The following ELOA variants were observed in gnomAD, a reference collection of about 807,000 sequenced individuals.
ELOA encodes the protein elongin A.
ELOA carries 15 observed loss-of-function variants against 85.2 expected under a neutral mutation model. The ratio of observed to expected loss-of-function variants is 0.18; its 90% confidence interval spans 0.12 to 0.27. The LOEUF (loss-of-function observed/expected upper bound fraction) is 0.27. Among genes scored for constraint, ELOA ranks in the 10% least tolerant of loss-of-function variants. ELOA has a pLI of 1.00. For synonymous variants in ELOA, 348 were observed against 357.2 expected, an observed-to-expected ratio of 0.97 and a Z score of 0.29; for missense variants, 769 against 952.7, an observed-to-expected ratio of 0.81 and a Z score of 2.54.
chr1:23,758,241 C>G (rs1570594943), intron 10 of ELOA, among the ~76,000 whole-genome samples: 1 of 87,226 alleles, frequency 1.1e-5, no homozygotes, highest in Non-Finnish European at 2.5e-5. Flanking sequence ...CTAATTGGGT[C>G]TTCCAATTTA....
Position 23,755,904 on chromosome 1 carries a change from A to G in ELOA, c.1853A>G (p.Glu618Gly), listed in dbSNP as rs1433731608. 6.2e-7 allele frequency: 1 copy of G among 1,613,886 alleles called. No individual in the cohort carries two copies. Among genetic ancestry groups the G allele is most frequent in the Admixed American group, 1.7e-5 (1 of 59,926 alleles). ...CATTGTCACCGAGACTTTAAGGAAG[A>G]AAGACCCGAAGAGTATGAGTCGTGG... Reference protein sequence around the residue: ...KVHCHRDFKEERPEEYESWRE... With the variant: ...KVHCHRDFKEGRPEEYESWRE... The change falls in exon 8 of 11, where the codon GAA becomes GGA. Residue 618 changes from glutamate (E) to glycine (G), a missense_variant. By Grantham distance (98) the Glu-to-Gly change is moderately conservative (BLOSUM62 -2). Coordinates refer to ENST00000613537, the MANE Select transcript of ELOA (RefSeq NM_003198.3).
At chr1:23,756,223 CAGT>C (rs1644794239) in intron 8 of ELOA, 48 bp from the exon 9 acceptor site, 4 of 1,501,838 alleles carry the variant, frequency 2.7e-6, no homozygotes, top group Non-Finnish European at 1.8e-6. Flanking sequence ...ATTTAAATAA[CAGT>C]AGCATCTCTG....
rs115868923 is a variant in ELOA, at chr1:23,749,188, A to G, written c.132+111A>G. The G allele has an allele frequency of 2.9e-3, 2,633 of 901,536 alleles. 39 individuals are homozygous for G. In the African/African-American group the frequency reaches 0.037, roughly 13 times the overall value. The allele number at this position is 901,536 out of a possible 1,614,324, so 55.8% of individuals were successfully genotyped here. On this transcript the variant is annotated intron_variant, in intron 2 of 10. Transcript: ENST00000613537. ...GGGCTTTGGAAGTGAAAGAAACCAG[A>G]CACAAAAGGCCATATATTGTCTGAT... is the stretch of plus-strand genomic sequence containing the variant.
Position 23,757,558 on chromosome 1 carries a change from G to C in ELOA, c.2257+433G>C, listed in dbSNP as rs6679300. Among the ~76,000 whole-genome samples the C allele has an allele frequency of 6.9e-3, 1,054 of 152,234 alleles. 11 individuals carry two copies. The highest frequency in any genetic ancestry group is 0.024 in the African/African-American group (990 of 41,546). On this transcript the variant is annotated intron_variant, in intron 10 of 10. Transcript: ENST00000613537. ...CTGTCACCCAGGCTGGAGTGCAGTG[G>C]CACAATCTCAGCTCACTGCAAGCTC... is the stretch of plus-strand genomic sequence containing the variant.
chr1:23,747,922 A>G (rs1029362935), intron 1 of ELOA, among the ~76,000 whole-genome samples: 2 of 152,232 alleles, frequency 1.3e-5, no homozygotes, highest in African/African-American at 2.4e-5. Context: ...ATCTTGTTAT[A>G]TAATATTTAA....
At chr1:23,750,365 CAG>C (rs1248928667) in intron 3 of ELOA, among the ~76,000 whole-genome samples, 2 of 151,812 alleles carry the variant, frequency 1.3e-5, no homozygotes, top group African/African-American at 4.8e-5. Flanking sequence ...TTAGTAGAGA[CAG>C]GGTTTCGCCG....
rs1176057717 is a variant in ELOA at position 23,750,887 on chromosome 1, C to G, written c.282C>G (p.Ser94=). 1 of 1,604,974 alleles carries G rather than the reference C, an allele frequency of 6.2e-7. No homozygotes were observed. Among genetic ancestry groups the G allele is most frequent in the African/African-American group, 1.4e-5 (1 of 74,038 alleles). The part of the protein sequence containing the change: ...PDEQDFEKSN[S]RKRPRDALQK... ...AACAGGACTTTGAGAAGAGCAATTC[C>G]CGAAAGCGCCCTCGGGATGCCCTGC... The change falls in exon 4 of 11, where the codon TCC becomes TCG. Residue 94 remains serine, a synonymous_variant. Coordinates refer to ENST00000613537, the MANE Select transcript of ELOA (RefSeq NM_003198.3).
chr1:23,744,809 C>T (rs968701301), intron 1 of ELOA, among the ~76,000 whole-genome samples: 1 of 152,158 alleles, frequency 6.6e-6, no homozygotes, highest in African/African-American at 2.4e-5. Context: ...AAAAGGAAGT[C>T]GTGGAGGGAG....
At chr1:23,745,769 T>TTA in intron 1 of ELOA, among the ~76,000 whole-genome samples, 1 of 152,300 alleles carries the variant, frequency 6.6e-6, no homozygotes, top group East Asian at 1.9e-4. Flanking sequence ...TGCAAGATGA[T>TTA]TATATAGCCC....
intron 10 of ELOA, among the ~76,000 whole-genome samples, chr1:23,758,251 ATTTATTTATTTTTTTT>A (rs1392230707): frequency 0.012 from 592 of 48,526 alleles, 23 homozygotes; most frequent in African/African-American, 0.046. Flanking sequence ...CTTCCAATTT[ATTTATTTATTTTTTTT>A]TTTTTTTTTT....
chr1:23,743,626 G>A, intron 1 of ELOA, 48 bp downstream of exon 1: 1 of 1,440,364 alleles, frequency 6.9e-7, no homozygotes, highest in Non-Finnish European at 9.1e-7. Context: ...GGTCGGTGAG[G>A]GCCCCGTAAC....
intron 10 of ELOA, among the ~76,000 whole-genome samples, chr1:23,758,247 ATTTATTTATTTATTT>A (rs1483254784): frequency 0.014 from 817 of 56,734 alleles, 48 homozygotes; most frequent in African/African-American, 0.046. Flanking sequence ...GGGTCTTCCA[ATTTATTTATTTATTT>A]TTTTTTTTTT....
rs748288573 is a variant in ELOA, at chr1:23,748,981, G to A, written c.76-40G>A. The stretch of plus-strand genomic sequence containing the variant: ...TTAATAATCAGATATTCTTGTTAAA[G>A]TGAATTTGACTATTGAAATTAATGT... On this transcript the variant is annotated intron_variant, in intron 1 of 10. Transcript: ENST00000613537. 2.6e-6 allele frequency: 4 copies of A among 1,545,864 alleles called. No homozygotes were observed. The South Asian group carries it at 4.5e-5, about 17-fold the overall frequency.
At chr1:23,745,163 T>C (rs1644740779) in intron 1 of ELOA, among the ~76,000 whole-genome samples, 1 of 152,228 alleles carries the variant, frequency 6.6e-6, no homozygotes, top group Non-Finnish European at 1.5e-5. Flanking sequence ...ATGTTTTCTG[T>C]TGCAGCTTCA....
At chr1:23,759,436 C>CT in intron 10 of ELOA, 76 bp from the exon 11 acceptor site, 1 of 1,453,316 alleles carries the variant, frequency 6.9e-7, no homozygotes, top group Middle Eastern at 1.7e-4. Context: ...GCAGAGCTGG[C>CT]TTTGACTGTA....
intron 10 of ELOA, among the ~76,000 whole-genome samples, chr1:23,757,932 T>C (rs1452660299): frequency 2.0e-5 from 3 of 151,796 alleles, no homozygotes; most frequent in African/African-American, 7.3e-5. Context: ...TCTCAGGTAC[T>C]CGGGTGGCTG....
chr1:23,752,919 G>C (rs1038699402), intron 5 of ELOA, among the ~76,000 whole-genome samples: 1 of 151,936 alleles, frequency 6.6e-6, no homozygotes, highest in African/African-American at 2.4e-5. Flanking sequence ...CTCAAGCCTG[G>C]GTGACAAGAG....
At chr1:23,755,391 AT>A (rs1644789728) in intron 7 of ELOA, among the ~76,000 whole-genome samples, 1 of 152,242 alleles carries the variant, frequency 6.6e-6, no homozygotes, top group Admixed American at 6.5e-5. Flanking sequence ...TTAGGGAGTT[AT>A]TTTTTTCCTA....
chr1:23,758,258 TA>T (rs1460648461), intron 10 of ELOA, among the ~76,000 whole-genome samples: 995 of 66,356 alleles, frequency 0.015, 97 homozygotes, highest in African/African-American at 0.026. Context: ...TTTATTTATT[TA>T]TTTTTTTTTT....
Sources: gnomAD v4.1 joint callset for allele counts (sites outside exome capture counted in the v4.1 genomes callset) on GRCh38, gnomAD v4.1.1 for gene constraint, MANE v1.5 for transcripts, NCBI Gene and HGNC (gene_info 2026-07-23, HGNC 2026-07-21) for gene names.